CNTN2: variants seen among roughly 807,000 people sequenced by gnomAD.
The protein encoded by CNTN2 is contactin-2.
In CNTN2, 53 loss-of-function variants were observed where a neutral mutation model predicts 117.5. The observed-to-expected ratio is 0.45, with a 90% CI of 0.36 to 0.57. The LOEUF (loss-of-function observed/expected upper bound fraction) is 0.57, where lower values mean the gene tolerates loss of function less well. Among genes scored for constraint, CNTN2 ranks in the 20% least tolerant of loss-of-function variants. CNTN2 has a pLI of 0.00. For missense variants in CNTN2, 1,106 were observed against 1,404.3 expected (o/e 0.79, Z 3.39); for synonymous variants, 530 against 561.7 (o/e 0.94, Z 0.80).
Position 205,070,567 on chromosome 1 carries a change from G to C in CNTN2, c.2544+29G>C, listed in dbSNP as rs747546574. ...AGCACCAACCTGGGACTTGGGAGAG[G>C]AAGGGGTGCTGGGGCTTCAAAGCCA... On this transcript the variant is annotated intron_variant, in intron 19 of 22. Transcript: ENST00000331830. 12 of 1,538,184 alleles carry C rather than the reference G, an allele frequency of 7.8e-6. No individual in the cohort carries two copies. In the Admixed American group the frequency reaches 1.7e-4, roughly 22 times the overall value.
chr1:205,064,558 G>T, intron 11 of CNTN2, 65 bp from the exon 12 acceptor site: 1 of 1,601,168 alleles, frequency 6.2e-7, no homozygotes, highest in Non-Finnish European at 8.5e-7. Context: ...AACAGTCACA[G>T]GAGTTGGCCA....
Position 205,070,767 on chromosome 1 carries a change from C to A in CNTN2, c.2544+229C>A, listed in dbSNP as rs901262578. 8.9e-6 allele frequency: 3 copies of A among 336,316 alleles called. No homozygotes were observed. In the South Asian group the frequency reaches 1.0e-4, roughly 11 times the overall value. The allele number at this position is 336,316 out of a possible 1,614,324, so 20.8% of individuals were successfully genotyped here. On this transcript the variant is annotated intron_variant, in intron 19 of 22. Coordinates refer to ENST00000331830, the MANE Select transcript of CNTN2 (RefSeq NM_005076.5). ...ATCCCATCACTTTGGGAGGCTGAGG[C>A]GGTAGATCTCCTGAGATCAGGAGTT... is the stretch of plus-strand genomic sequence containing the variant.
In CNTN2 at chr1:205,074,375, T is replaced by G. The variant is rs1654756855; in HGVS notation, c.*610T>G. 1 of 400,132 alleles carries G rather than the reference T, an allele frequency of 2.5e-6. No homozygotes were observed. Among genetic ancestry groups the G allele is most frequent in the Admixed American group, 4.4e-5 (1 of 22,956 alleles). The allele number at this position is 400,132 out of a possible 1,614,324, so 24.8% of individuals were successfully genotyped here. ...GCCCCGATGCCTGAGGCTGGGAGCC[T>G]GAGCCCCTTCAGCTTTGAGGGGGGT... On this transcript the variant is annotated 3_prime_UTR_variant, in exon 23 of 23. Coordinates refer to ENST00000331830, the MANE Select transcript of CNTN2 (RefSeq NM_005076.5).
chr1:205,053,315 G>T, intron 2 of CNTN2, 60 bp downstream of exon 2: 1 of 1,397,454 alleles, frequency 7.2e-7, no homozygotes, highest in South Asian at 1.3e-5. Flanking sequence ...TTATATCCTT[G>T]CTATGATTTG....
intron 1 of CNTN2, among the ~76,000 whole-genome samples, chr1:205,046,285 T>C (rs2096441433): frequency 6.6e-6 from 1 of 152,132 alleles, no homozygotes; most frequent in African/African-American, 2.4e-5. Context: ...CAGGACACAC[T>C]CAGGCCCAAA....
rs1654334159 is a variant in CNTN2 at position 205,067,134 on chromosome 1, C to T, written c.2009C>T (p.Ala670Val). ...PANIEGNAETAQVLGLTPWMD... is the reference protein window; with the variant it reads ...PANIEGNAETVQVLGLTPWMD... ...AACATCGAGGGCAATGCCGAGACTG[C>T]ACAGGTGCTGGGCCTCACCCCCTGG... The change falls in exon 16 of 23, where the codon GCA becomes GTA. Residue 670 changes from alanine to valine, a missense_variant. Coordinates refer to ENST00000331830, the MANE Select transcript of CNTN2 (RefSeq NM_005076.5). 2 of 1,613,626 alleles carry T rather than the reference C, an allele frequency of 1.2e-6. No homozygotes were observed. Among genetic ancestry groups the T allele is most frequent in the African/African-American group, 1.3e-5 (1 of 74,906 alleles).
Position 205,073,799 on chromosome 1 carries a change from C to A in CNTN2, c.*34C>A. On this transcript the variant is annotated 3_prime_UTR_variant, in exon 23 of 23. Coordinates refer to ENST00000331830, the MANE Select transcript of CNTN2 (RefSeq NM_005076.5). This position sits in a 1 kb window ranked among gnomAD's most constrained non-coding sequence, Gnocchi z 6.3. ...CCCCTCCCTCTGCGCCGCAGCTGGA[C>A]GCCACCTCCGACGGACACAGCCAGC... is the stretch of plus-strand genomic sequence containing the variant. The A allele has an allele frequency of 6.4e-7, 1 of 1,555,840 alleles. No homozygotes were observed. The highest frequency in any genetic ancestry group is 8.8e-7 in the Non-Finnish European group (1 of 1,132,116).
Position 205,058,278 on chromosome 1 carries a change from G to A in CNTN2, c.313G>A (p.Asp105Asn). 2 of 1,535,906 alleles carry A rather than the reference G, an allele frequency of 1.3e-6. No homozygotes were observed. The highest frequency in any genetic ancestry group is 1.8e-6 in the Non-Finnish European group (2 of 1,141,220). Residue 105 changes from aspartate to asparagine, a missense_variant, in exon 4 of 23, where the codon GAT (aspartate) becomes AAT (asparagine). Coordinates refer to ENST00000331830, the MANE Select transcript of CNTN2 (RefSeq NM_005076.5). The surrounding 1 kb of genome is among the most constrained non-coding windows in gnomAD (Gnocchi z 4.3). ...CATCATGAACCCCACCAAGGCACAG[G>A]ATGCCGGGGTCTACCAGTGCCTGGC... The part of the protein sequence containing the change: ...LVIMNPTKAQ[D>N]AGVYQCLASN...
chr1:205,063,978 G>A (rs76448911), intron 10 of CNTN2, among the ~76,000 whole-genome samples: 7,600 of 152,200 alleles, frequency 0.05, 298 homozygotes, highest in South Asian at 0.12. Flanking sequence ...GATTGGAAAG[G>A]TGGAGACTTA....
At chr1:205,063,087 C>T (rs1353031790) in intron 10 of CNTN2, 1 of 152,322 alleles carries the variant, frequency 6.6e-6, no homozygotes, top group African/African-American at 2.4e-5. Context: ...CACTGAGCCT[C>T]AGTTTCCTCA....
rs1384907903 is a variant in CNTN2, at chr1:205,075,907, C to G, written c.*2142C>G. ...TCTCTATCAGAAAGGGGATGCTGAA[C>G]AAAACCTCCTTCCAAGTTTTATCCA... is the stretch of plus-strand genomic sequence containing the variant. On this transcript the variant is annotated 3_prime_UTR_variant, in exon 23 of 23. Coordinates refer to ENST00000331830, the MANE Select transcript of CNTN2 (RefSeq NM_005076.5). 6.6e-6 allele frequency: 1 copy of G among 152,222 alleles called. No homozygotes were observed. The highest frequency in any genetic ancestry group is 2.4e-5 in the African/African-American group (1 of 41,448). 9.4% of individuals were successfully genotyped at this position (152,222 alleles called of 1,614,324 possible). A position where few individuals can be genotyped will look rare whatever the true frequency, so the allele number is the denominator to read the frequency against.
Position 205,069,493 on chromosome 1 carries a change from C to T in CNTN2, c.2128C>T (p.Pro710Ser). The part of the protein sequence containing the change: ...SSKIRTREAA[P>S]SVAPSGLSGG... ...CGGTGTCCCTTGGCCCTTGACAGCC[C>T]CCTCGGTGGCACCCTCAGGACTCAG... is the stretch of plus-strand genomic sequence containing the variant. Residue 710 changes from proline (P) to serine (S), a missense_variant and splice_region_variant, in exon 17 of 23, where the codon CCC (proline) becomes TCC (serine). Pro to Ser is a moderately conservative substitution (Grantham distance 74, BLOSUM62 -1). Coordinates refer to ENST00000331830, the MANE Select transcript of CNTN2 (RefSeq NM_005076.5). The T allele has an allele frequency of 5.0e-6, 8 of 1,614,076 alleles. No homozygotes were observed. Among genetic ancestry groups the T allele is most frequent in the Non-Finnish European group, 6.8e-6 (8 of 1,180,006 alleles).
At chr1:205,046,773 G>A (rs1054573107) in intron 1 of CNTN2, among the ~76,000 whole-genome samples, 1 of 152,164 alleles carries the variant, frequency 6.6e-6, no homozygotes, top group Non-Finnish European at 1.5e-5. Context: ...CTCAAAAAGG[G>A]ATCCTTCTAA....
chr1:205,072,987 C>T (rs56338794), intron 21 of CNTN2, 81 bp from the exon 22 acceptor site: 160,329 of 1,488,538 alleles, frequency 0.11, 9,844 homozygotes, highest in Non-Finnish European at 0.13. Context: ...ATCGGGTCTC[C>T]TCCCAGTACC....
At position 205,065,205 on chromosome 1, in the gene CNTN2, G is replaced by C. The variant is rs1439790279; in HGVS notation, c.1638G>C (p.Leu546=). ...PTMDLTFTWT[L]DDFPIDFDKP... is the part of the protein sequence containing the mutation. ...TGGACCTCACCTTCACCTGGACCCTGGACGACTTCCCCATCGACTTTGATA... is the reference window on the plus strand; with the variant it reads ...TGGACCTCACCTTCACCTGGACCCTCGACGACTTCCCCATCGACTTTGATA... Residue 546 remains leucine, a synonymous_variant, in exon 13 of 23, where the codon CTG becomes CTC. Coordinates refer to ENST00000331830, the MANE Select transcript of CNTN2 (RefSeq NM_005076.5). This position sits in a 1 kb window ranked among gnomAD's most constrained non-coding sequence, Gnocchi z 4.1. 6.2e-7 allele frequency: 1 copy of C among 1,614,130 alleles called. No homozygotes were observed. Among genetic ancestry groups the C allele is most frequent in the South Asian group, 1.1e-5 (1 of 91,084 alleles).
intron 14 of CNTN2, chr1:205,066,111 TA>T: frequency 2.9e-6 from 2 of 701,142 alleles, no homozygotes; most frequent in South Asian, 2.0e-5. Flanking sequence ...AGTCAAAGTT[TA>T]AAAAATCCAC....
rs374176876 is a variant in CNTN2, at chr1:205,058,195, G to A, written c.230G>A (p.Gly77Asp). 10 of 1,584,768 alleles carry A rather than the reference G, an allele frequency of 6.3e-6. No individual in the cohort carries two copies. The highest frequency in any genetic ancestry group is 8.6e-6 in the Non-Finnish European group (10 of 1,165,950). Residue 77 changes from glycine (G) to aspartate (D), a missense_variant, in exon 4 of 23, where the codon GGT (glycine) becomes GAT (aspartate). Physicochemically the swap from Gly to Asp is moderately conservative, Grantham distance 94. Transcript: ENST00000331830. The surrounding 1 kb of genome is among the most constrained non-coding windows in gnomAD (Gnocchi z 4.3). Reference protein sequence around the residue: ...PPATYRWKMNGTEMKLEPGSR... With the variant: ...PPATYRWKMNDTEMKLEPGSR... ...CCCTGCTGCAGGTGGAAGATGAATG[G>A]TACCGAGATGAAGCTGGAGCCAGGT...
chr1:205,070,125 TG>T, intron 18 of CNTN2, 64 bp downstream of exon 18: 3 of 1,493,710 alleles, frequency 2.0e-6, no homozygotes, highest in Non-Finnish European at 2.8e-6. Context: ...GGATGTGGGG[TG>T]GGGGAACGCT....
At chr1:205,049,392 T>TATATAC (rs2096448368) in intron 1 of CNTN2, among the ~76,000 whole-genome samples, 1 of 151,328 alleles carries the variant, frequency 6.6e-6, no homozygotes, top group Non-Finnish European at 1.5e-5. Flanking sequence ...CATATACACA[T>TATATAC]ATATACATAT....
Sources: gnomAD v4.1 joint callset for allele counts (sites outside exome capture counted in the v4.1 genomes callset) on GRCh38, gnomAD v4.1.1 for gene constraint, Gnocchi (gnomAD v3.1) non-coding constraint, MANE v1.5 for transcripts, NCBI Gene and HGNC (gene_info 2026-07-23, HGNC 2026-07-21) for gene names.